Variants in EYA1 observed in about 807,000 individuals in gnomAD.
EYA1 encodes the protein EYA transcriptional coactivator and phosphatase 1.
In EYA1, 16 loss-of-function variants were observed where a neutral mutation model predicts 82.0. That is an observed-to-expected ratio of 0.20 (90% CI 0.13 to 0.30). The LOEUF (loss-of-function observed/expected upper bound fraction) is 0.30. EYA1 is among the 10% of genes least tolerant of loss of function. EYA1 has a pLI of 1.00. For missense variants in EYA1, 633 were observed against 730.7 expected (o/e 0.87, Z 1.54); for synonymous variants, 261 against 264.4 (o/e 0.99, Z 0.12).
chr8:71,356,704 ATCC>A, intron 1 of EYA1, 193 bp from the exon 2 acceptor site: 2 of 1,267,788 alleles, frequency 1.6e-6, no homozygotes, highest in Admixed American at 3.9e-5. Context: ...CTGCAGGTCT[ATCC>A]TCCTCCTCCC....
chr8:71,495,627 TAAAC>T (rs1357395470), intron 2 of EYA1, among the ~76,000 whole-genome samples: 4 of 151,838 alleles, frequency 2.6e-5, no homozygotes. Flanking sequence ...AATAAATAAA[TAAAC>T]AAAATTAAAT....
chr8:71,432,976 T>C (rs1805734204), intron 2 of EYA1, among the ~76,000 whole-genome samples: 1 of 152,188 alleles, frequency 6.6e-6, no homozygotes, highest in African/African-American at 2.4e-5. Flanking sequence ...TACCTGGTAA[T>C]AAAGCTTTTA....
intron 2 of EYA1, among the ~76,000 whole-genome samples, chr8:71,448,022 T>G (rs1807029969): frequency 1.7e-5 from 1 of 58,310 alleles, no homozygotes; most frequent in African/African-American, 8.6e-5. Flanking sequence ...TTTTTTTTTT[T>G]TTTTCTCGCT....
Position 71,327,895 on chromosome 8 carries a change from C to T in EYA1, c.203-5627G>A, listed in dbSNP as rs185604300. Among the ~76,000 whole-genome samples the T allele has an allele frequency of 3.0e-3, 408 of 134,814 alleles. 1 individual carries two copies. Among genetic ancestry groups the T allele is most frequent in the African/African-American group, 5.1e-3 (181 of 35,158 alleles). 88.4% of individuals were successfully genotyped at this position (134,814 alleles called of 152,430 possible). Reference sequence around the variant, plus strand: ...TTTTTGAGACAGAGTCTCACCCTGTCGCCCTGGCTAGAGTGCAATGGTGCA... The same window carrying T: ...TTTTTGAGACAGAGTCTCACCCTGTTGCCCTGGCTAGAGTGCAATGGTGCA... On this transcript the variant is annotated intron_variant, in intron 4 of 17. Transcript: ENST00000340726.
chr8:71,323,619 C>T lies in EYA1; in HGVS notation c.203-1351G>A, dbSNP rs142120471. 5.5e-4 allele frequency among the ~76,000 whole-genome samples: 83 copies of T among 152,282 alleles called. 1 individual carries two copies. The East Asian group carries it at 7.9e-3, about 15-fold the overall frequency. ...CCCAGACTTCAAACATCTGGCTGGC[C>T]GCTTGGCAGAGACAGCATCTGTACT... On this transcript the variant is annotated intron_variant, in intron 4 of 17. Coordinates refer to ENST00000340726, the MANE Select transcript of EYA1 (RefSeq NM_000503.6).
At chr8:71,346,522 C>T (rs1403012229) in intron 3 of EYA1, among the ~76,000 whole-genome samples, 2 of 146,996 alleles carry the variant, frequency 1.4e-5, no homozygotes, top group Non-Finnish European at 3.0e-5. Context: ...TATTCCTTTA[C>T]CATCTTACCA....
At chr8:71,505,090 G>C (rs534436181) in intron 2 of EYA1, among the ~76,000 whole-genome samples, 1 of 152,284 alleles carries the variant, frequency 6.6e-6, no homozygotes, top group South Asian at 2.1e-4. Context: ...ATGCCTACCT[G>C]CCTCTCCATT....
chr8:71,317,354 C>A (rs1460949078), intron 7 of EYA1, among the ~76,000 whole-genome samples, 198 bp downstream of exon 7: 2 of 152,136 alleles, frequency 1.3e-5, no homozygotes, highest in Non-Finnish European at 2.9e-5. Flanking sequence ...TCCAGTCTAA[C>A]CCCCTGATGT....
chr8:71,229,085 T>C (rs1294804125), intron 12 of EYA1, among the ~76,000 whole-genome samples: 1 of 152,174 alleles, frequency 6.6e-6, no homozygotes, highest in Non-Finnish European at 1.5e-5. Context: ...TTCTATGCAA[T>C]TGAGCATTCA....
intron 2 of EYA1, among the ~76,000 whole-genome samples, chr8:71,388,943 C>G (rs564463612): frequency 5.7e-4 from 86 of 152,172 alleles, no homozygotes; most frequent in African/African-American, 1.9e-3. Context: ...TTCCTACACA[C>G]AAGTCCCTTG....
Position 71,199,066 on chromosome 8 carries a change from C to T in EYA1, c.*274G>A. Reference sequence around the variant, plus strand: ...CAGGTCCTTTCTTCACAGGTTTGAACCGTGTAGTTAATGTGGCAGACACAT... The same window carrying T: ...CAGGTCCTTTCTTCACAGGTTTGAATCGTGTAGTTAATGTGGCAGACACAT... On this transcript the variant is annotated 3_prime_UTR_variant, in exon 18 of 18. Coordinates refer to ENST00000340726, the MANE Select transcript of EYA1 (RefSeq NM_000503.6). 2.0e-6 allele frequency: 1 copy of T among 502,306 alleles called. No individual in the cohort carries two copies. The highest frequency in any genetic ancestry group is 3.6e-6 in the Non-Finnish European group (1 of 274,380). 31.1% of individuals were successfully genotyped at this position (502,306 alleles called of 1,614,324 possible).
At chr8:71,386,828 GCTT>G (rs1828993110) in intron 2 of EYA1, among the ~76,000 whole-genome samples, 1 of 152,152 alleles carries the variant, frequency 6.6e-6, no homozygotes, top group African/African-American at 2.4e-5. Flanking sequence ...AATCTTATCT[GCTT>G]CTATTTCATG....
In EYA1 at chr8:71,354,836, T is replaced by A; in HGVS notation, c.70A>T (p.Lys24Ter). Residue 24 changes from lysine to a stop codon, truncating the protein, a stop_gained, in exon 3 of 18, where the codon AAA becomes TAA. Coordinates refer to ENST00000340726, the MANE Select transcript of EYA1 (RefSeq NM_000503.6). LOFTEE classifies it high-confidence loss of function. Reference protein sequence around the residue: ...SGSSESPSGPKLGNSHINSNS... With the variant: ...SGSSESPSGP ...CTATTTATATGAGAGTTACCGAGTT[T>A]GGGGCCACTGGGGGATTCACTACTA... The A allele has an allele frequency of 6.2e-7, 1 of 1,613,792 alleles. No individual in the cohort carries two copies. The highest frequency in any genetic ancestry group is 8.5e-7 in the Non-Finnish European group (1 of 1,179,728).
chr8:71,390,452 G>A (rs905675636), intron 2 of EYA1, among the ~76,000 whole-genome samples: 36 of 151,862 alleles, frequency 2.4e-4, no homozygotes, highest in African/African-American at 7.7e-4. Context: ...TTGTGGAGAT[G>A]GGATCTTGCT....
chr8:71,217,365 C>A (rs1809341893), intron 12 of EYA1, among the ~76,000 whole-genome samples: 1 of 152,182 alleles, frequency 6.6e-6, no homozygotes, highest in Non-Finnish European at 1.5e-5. Context: ...CAGTCAGTGC[C>A]TAAGCATAAC....
At chr8:71,536,736 A>C (rs2129288938) in intron 1 of EYA1, among the ~76,000 whole-genome samples, 1 of 152,342 alleles carries the variant, frequency 6.6e-6, no homozygotes, top group Non-Finnish European at 1.5e-5. Context: ...AAAATTACAC[A>C]ACAGAGAACA....
chr8:71,377,836 A>G (rs978694124), intron 2 of EYA1, among the ~76,000 whole-genome samples: 7 of 152,346 alleles, frequency 4.6e-5, no homozygotes, highest in South Asian at 4.1e-4. Flanking sequence ...GAATCATGTT[A>G]TAAGTGTAGC....
intron 11 of EYA1, among the ~76,000 whole-genome samples, chr8:71,262,069 C>A (rs1815182546): frequency 6.6e-6 from 1 of 152,194 alleles, no homozygotes; most frequent in Non-Finnish European, 1.5e-5. Flanking sequence ...AATGCTCTCT[C>A]TAAGCCTGGG....
At chr8:71,232,426 G>A (rs73684727) in intron 12 of EYA1, among the ~76,000 whole-genome samples, 5,969 of 152,262 alleles carry the variant, frequency 0.039, 392 homozygotes, top group African/African-American at 0.14. Context: ...GGAAGACAAC[G>A]AGTAAAAGGA....
Sources: allele counts gnomAD v4.1 joint callset (sites outside exome capture counted in the v4.1 genomes callset), GRCh38; gene constraint gnomAD v4.1.1; transcripts MANE v1.5; gene names NCBI Gene and HGNC (gene_info 2026-07-23, HGNC 2026-07-21).